The following CPNE1 variants were observed in gnomAD, a reference collection of about 807,000 sequenced individuals.
CPNE1 encodes copine-1.
In CPNE1, 58 loss-of-function variants were observed where a neutral mutation model predicts 63.2. The ratio of observed to expected loss-of-function variants is 0.92; its 90% CI spans 0.74 to 1.14. CPNE1 has a LOEUF of 1.14. Among genes scored for constraint, CPNE1 ranks in the 50% most tolerant of loss-of-function variants. The pLI is 0.00. For synonymous variants in CPNE1, 237 were observed against 249.0 expected (o/e 0.95, Z 0.45); for missense variants, 672 against 661.7 (o/e 1.02, Z -0.17).
chr20:35,653,515 C>T lies in CPNE1; in HGVS notation c.-1+11245G>A, dbSNP rs146546616. On this transcript the variant is annotated intron_variant, in intron 1 of 15. Transcript: ENST00000397443. ...CCCATTAAGTTTTTTACGGTGTAAG[C>T]GTTCAGACTTACGTGCATCATCTTC... 16 of 1,614,196 alleles carry T rather than the reference C, an allele frequency of 9.9e-6. No individual in the cohort carries two copies. In the African/African-American group the frequency reaches 1.3e-4, roughly 13 times the overall value.
At chr20:35,648,778 A>T (rs879890120) in intron 1 of CPNE1, 3 of 152,242 alleles carry the variant, frequency 2.0e-5, no homozygotes, top group Non-Finnish European at 4.4e-5. Flanking sequence ...ACACTTCAGC[A>T]TTAGCAGGCA....
chr20:35,664,498 C>A (rs1453821101), intron 1 of CPNE1: 1 of 152,316 alleles, frequency 6.6e-6, no homozygotes. Context: ...TGGCCTGCCC[C>A]CTCTCAGACC....
intron 1 of CPNE1, among the ~76,000 whole-genome samples, chr20:35,638,886 A>T (rs575901026): frequency 1.3e-5 from 2 of 152,240 alleles, no homozygotes; most frequent in Non-Finnish European, 2.9e-5. Context: ...AGGCAAAACG[A>T]ATCTGTGATG....
At chr20:35,627,497 G>A (rs2031838784) in intron 13 of CPNE1, 84 bp from the exon 14 acceptor site, 2 of 1,409,468 alleles carry the variant, frequency 1.4e-6, no homozygotes, top group Non-Finnish European at 9.6e-7. Flanking sequence ...CCCAGCCCAG[G>A]AGATCTCGGA....
At chr20:35,653,337 C>T (rs1211566432) in intron 1 of CPNE1, 16 of 1,613,788 alleles carry the variant, frequency 9.9e-6, no homozygotes, top group Non-Finnish European at 1.4e-5. Flanking sequence ...CTGCACTGGG[C>T]AGTCCCACAC....
In CPNE1 at chr20:35,632,371, C is replaced by T. The variant is rs200203648; in HGVS notation, c.324G>A (p.Gln108=). Residue 108 remains glutamine (Q), a synonymous_variant, in exon 4 of 16, where the codon CAG becomes CAA. Transcript: ENST00000397443. ...TCAGCATCAAGGGGAGAGTCAGTAC[C>T]TGGCTGGACACAATCTGGGGAAAAG... The part of the protein sequence containing the change: ...ECSLGQIVSS[Q]VLTLPLMLKP... 1 of 1,614,054 alleles carries T rather than the reference C, an allele frequency of 6.2e-7. No homozygotes were observed. Among genetic ancestry groups the T allele is most frequent in the Non-Finnish European group, 8.5e-7 (1 of 1,179,994 alleles).
intron 12 of CPNE1, 59 bp downstream of exon 12, chr20:35,630,682 C>A (rs1320493122): frequency 2.5e-6 from 4 of 1,585,456 alleles, no homozygotes; most frequent in Non-Finnish European, 2.6e-6. Context: ...TTTACCACAT[C>A]CCCCAAAATC....
intron 13 of CPNE1, 95 bp downstream of exon 13, chr20:35,630,344 A>C (rs2032037138): frequency 1.1e-5 from 10 of 895,032 alleles, no homozygotes; most frequent in Non-Finnish European, 1.3e-5. Context: ...CTGGACAATG[A>C]AGGCAGGTAT....
intron 1 of CPNE1, among the ~76,000 whole-genome samples, chr20:35,656,531 T>TTTTA (rs968063938): frequency 5.9e-5 from 9 of 152,282 alleles, no homozygotes; most frequent in South Asian, 2.1e-4. Flanking sequence ...AAAAGTCAAC[T>TTTTA]TTTATTTATT....
Position 35,626,175 on chromosome 20 carries a change from T to C in CPNE1, c.*66A>G. ...TAGCACTGAGGAGAGTGAGAAGGGT[T>C]GGGTTGTGGCCCAGAGGGACCTCTG... On this transcript the variant is annotated 3_prime_UTR_variant, in exon 16 of 16. Transcript: ENST00000397443. 1.3e-6 allele frequency: 2 copies of C among 1,509,802 alleles called. No individual in the cohort carries two copies. Among genetic ancestry groups the C allele is most frequent in the Non-Finnish European group, 1.8e-6 (2 of 1,085,636 alleles). The allele number at this position is 1,509,802 out of a possible 1,614,324, so 93.5% of individuals were successfully genotyped here.
At chr20:35,642,099 T>TC (rs1445765343) in intron 1 of CPNE1, among the ~76,000 whole-genome samples, 1 of 152,224 alleles carries the variant, frequency 6.6e-6, no homozygotes, top group Non-Finnish European at 1.5e-5. Context: ...AACTTGCCCT[T>TC]CATTTTCTAT....
At chr20:35,628,234 A>C (rs560651909) in intron 13 of CPNE1, among the ~76,000 whole-genome samples, 1 of 152,014 alleles carries the variant, frequency 6.6e-6, no homozygotes, top group African/African-American at 2.4e-5. Flanking sequence ...GCAGTGAGCC[A>C]AGATCGCGCC....
At chr20:35,638,575 A>AAC (rs1198737374) in intron 1 of CPNE1, among the ~76,000 whole-genome samples, 1 of 151,996 alleles carries the variant, frequency 6.6e-6, no homozygotes, top group African/African-American at 2.4e-5. Context: ...ACCACTTTGG[A>AAC]AAACAGTCTG....
intron 1 of CPNE1, chr20:35,654,134 G>T: frequency 1.9e-6 from 3 of 1,614,200 alleles, no homozygotes; most frequent in Non-Finnish European, 2.5e-6. Context: ...TGTCCAGAAG[G>T]TCCCATATTT....
At chr20:35,643,857 A>C (rs1013314839) in intron 1 of CPNE1, among the ~76,000 whole-genome samples, 3 of 152,140 alleles carry the variant, frequency 2.0e-5, no homozygotes, top group Non-Finnish European at 4.4e-5. Flanking sequence ...GGCAAACTGA[A>C]AAGGCTCCTT....
At chr20:35,626,887 TA>T in intron 14 of CPNE1, 84 bp from the exon 15 acceptor site, 1 of 1,127,236 alleles carries the variant, frequency 8.9e-7, no homozygotes, top group Non-Finnish European at 1.3e-6. Context: ...CCCACACTCA[TA>T]AGAAGTCCCT....
intron 1 of CPNE1, chr20:35,654,172 G>C (rs761844828): frequency 9.3e-6 from 15 of 1,614,212 alleles, no homozygotes; most frequent in Non-Finnish European, 1.3e-5. Context: ...GCCTCCAGCA[G>C]CTACCCACTG....
chr20:35,627,264 C>A lies in CPNE1; in HGVS notation c.1236+16G>T. ...CCTTGATTGCCACCACTGCCACTGC[C>A]ACCCACGACTCTCACCGAGGCAGTC... is the stretch of plus-strand genomic sequence containing the variant. On this transcript the variant is annotated intron_variant, in intron 14 of 15. Transcript: ENST00000397443. 1 of 1,607,762 alleles carries A rather than the reference C, an allele frequency of 6.2e-7. No individual in the cohort carries two copies. Among genetic ancestry groups the A allele is most frequent in the South Asian group, 1.1e-5 (1 of 90,374 alleles).
At chr20:35,629,881 A>G (rs1397792280) in intron 13 of CPNE1, among the ~76,000 whole-genome samples, 1 of 152,028 alleles carries the variant, frequency 6.6e-6, no homozygotes, top group Non-Finnish European at 1.5e-5. Flanking sequence ...CTAGTCTCAA[A>G]TTCCTGGGCT....
Sources: gnomAD v4.1 joint callset for allele counts (sites outside exome capture counted in the v4.1 genomes callset) on GRCh38, gnomAD v4.1.1 for gene constraint, MANE v1.5 for transcripts, NCBI Gene and HGNC (gene_info 2026-07-23, HGNC 2026-07-21) for gene names.